Variants in PLIN3 observed in about 807,000 individuals in gnomAD.
The protein encoded by PLIN3 is perilipin 3.
PLIN3 carries 30 observed loss-of-function variants against 35.9 expected under a neutral mutation model. The ratio of observed to expected loss-of-function variants is 0.84; its 90% CI spans 0.62 to 1.13. The LOEUF (loss-of-function observed/expected upper bound fraction) is 1.13, where lower values mean the gene tolerates loss of function less well. PLIN3 is among the 50% of genes most tolerant of loss of function. The pLI, the probability that PLIN3 is intolerant of heterozygous loss-of-function variation, is 0.00. For missense variants in PLIN3, 603 were observed against 596.9 expected, an observed-to-expected ratio of 1.01 and a Z score of -0.11; for synonymous variants, 261 against 262.5, an observed-to-expected ratio of 0.99 and a Z score of 0.06.
Position 4,865,048 on chromosome 19 carries a change from C to A in PLIN3, c.-18+2561G>T, listed in dbSNP as rs142998875. Among the ~76,000 whole-genome samples, 686 of 151,994 alleles carry A rather than the reference C, an allele frequency of 4.5e-3. 2 individuals carry two copies. Among genetic ancestry groups the A allele is most frequent in the Non-Finnish European group, 7.2e-3 (487 of 67,964 alleles). On this transcript the variant is annotated intron_variant, in intron 1 of 7. Transcript: ENST00000221957. The stretch of plus-strand genomic sequence containing the variant: ...CTACTAAAAATACAAAAATTAGGTG[C>A]GGGTGTGGTGGCGGGCGCCTGTAGT...
In PLIN3 at chr19:4,859,830, G is replaced by C. The variant is rs933736006; in HGVS notation, c.261C>G (p.Pro87=). The C allele has an allele frequency of 6.8e-6, 11 of 1,613,190 alleles. No individual in the cohort carries two copies. The highest frequency in any genetic ancestry group is 6.8e-6 in the Non-Finnish European group (8 of 1,179,952). The change falls in exon 3 of 8, where the codon CCC becomes CCG. Residue 87 remains proline, a synonymous_variant. Coordinates refer to ENST00000221957, the MANE Select transcript of PLIN3 (RefSeq NM_005817.5). ...GAQPILSKLE[P]QIASASEYAH... is the part of the protein sequence containing the mutation. The stretch of plus-strand genomic sequence containing the variant: ...GCCCCCTGGGACTTCACCCACTCTG[G>C]GGCTCCAGCTTGGAGAGGATCGGCT...
intron 7 of PLIN3, 62 bp downstream of exon 7, chr19:4,844,606 T>G (rs371801919): frequency 3.3e-6 from 5 of 1,512,720 alleles, no homozygotes; most frequent in African/African-American, 1.4e-5. Context: ...GAAGCAGAGG[T>G]GTAGAGAGTG....
chr19:4,859,847 G>C lies in PLIN3; in HGVS notation c.244C>G (p.Leu82Val). The C allele has an allele frequency of 6.2e-7, 1 of 1,613,174 alleles. No homozygotes were observed. ...CCACTCTGGGGCTCCAGCTTGGAGA[G>C]GATCGGCTGAGCCCCGCTGACAGCA... ...AAAVSGAQPI[L>V]SKLEPQIASA... Residue 82 changes from leucine (L) to valine (V), a missense_variant, in exon 3 of 8, where the codon CTC becomes GTC. Transcript: ENST00000221957.
At chr19:4,856,490 G>A (rs144581280) in intron 4 of PLIN3, among the ~76,000 whole-genome samples, 30,502 of 151,220 alleles carry the variant, frequency 0.2, 3,546 homozygotes, top group East Asian at 0.39. Flanking sequence ...CCCGAGAGGC[G>A]GAGGTTGCAG....
rs758721515 is a variant in PLIN3 at position 4,839,526 on chromosome 19, G to A, written c.971C>T (p.Ser324Phe). ...GTCCCGGAACATGGTGAGCGCCCGG[G>A]ACTCGACCTGCTGAGAAGGGAGATG... Reference protein sequence around the residue: ...KEPPKPEQVESRALTMFRDIA... With the variant: ...KEPPKPEQVEFRALTMFRDIA... The change falls in exon 8 of 8, where the codon TCC becomes TTC. Residue 324 changes from serine to phenylalanine, a missense_variant. Transcript: ENST00000221957. 6.6e-7 allele frequency: 1 copy of A among 1,523,956 alleles called. No homozygotes were observed. The highest frequency in any genetic ancestry group is 2.1e-5 in the Admixed American group (1 of 47,626). The allele number at this position is 1,523,956 out of a possible 1,614,324, so 94.4% of individuals were successfully genotyped here. A position where few individuals can be genotyped will look rare whatever the true frequency, so the allele number is the denominator to read the frequency against.
intron 5 of PLIN3, among the ~76,000 whole-genome samples, chr19:4,850,545 CGA>C (rs2030252979): frequency 6.6e-6 from 1 of 151,424 alleles, no homozygotes; most frequent in African/African-American, 2.4e-5. Context: ...CTCAGTCTCC[CGA>C]GTAGCTGGGA....
chr19:4,864,098 AGTGTGT>A (rs71170861), intron 1 of PLIN3, among the ~76,000 whole-genome samples: 3,074 of 125,236 alleles, frequency 0.025, 53 homozygotes, highest in South Asian at 0.044. Flanking sequence ...ACACCTGGCT[AGTGTGT>A]GTGTGTGTGT....
At chr19:4,845,962 C>T (rs555500968) in intron 6 of PLIN3, among the ~76,000 whole-genome samples, 70 of 148,152 alleles carry the variant, frequency 4.7e-4, no homozygotes, top group African/African-American at 1.6e-3. Flanking sequence ...CGGTGGCTCA[C>T]GCCTGTAATT....
chr19:4,844,234 A>G lies in PLIN3; in HGVS notation c.960+434T>C, dbSNP rs549288390. Among the ~76,000 whole-genome samples, 853 of 152,162 alleles carry G rather than the reference A, an allele frequency of 5.6e-3. 6 individuals are homozygous for G. Among genetic ancestry groups the G allele is most frequent in the Non-Finnish European group, 9.2e-3 (627 of 68,000 alleles). On this transcript the variant is annotated intron_variant, in intron 7 of 7. Transcript: ENST00000221957. ...ATCCCAACACTTTGGGAGGCTGGGCAGGGCGGATCACTTGAGGTCAGGAGT... is the reference window on the plus strand; with the variant it reads ...ATCCCAACACTTTGGGAGGCTGGGCGGGGCGGATCACTTGAGGTCAGGAGT...
intron 4 of PLIN3, among the ~76,000 whole-genome samples, chr19:4,858,119 A>T (rs2030533158): frequency 6.6e-6 from 1 of 151,356 alleles, no homozygotes; most frequent in African/African-American, 2.4e-5. Context: ...CTAAAAATAC[A>T]AAAATTAGCT....
intron 5 of PLIN3, among the ~76,000 whole-genome samples, chr19:4,850,541 C>G (rs1010573088): frequency 1.3e-5 from 2 of 151,522 alleles, no homozygotes; most frequent in Non-Finnish European, 2.9e-5. Flanking sequence ...CTGCCTCAGT[C>G]TCCCGAGTAG....
At position 4,841,927 on chromosome 19, in the gene PLIN3, G is replaced by T. The variant is rs11667767; in HGVS notation, c.961-2391C>A. On this transcript the variant is annotated intron_variant, in intron 7 of 7. Transcript: ENST00000221957. ...CTCAAAAAAAAAAAAAAAAAAAAAAGAAAAAAAAAAGCTGTTAAAAAACAA... is the reference window on the plus strand; with the variant it reads ...CTCAAAAAAAAAAAAAAAAAAAAAATAAAAAAAAAAGCTGTTAAAAAACAA... 1.3e-3 allele frequency among the ~76,000 whole-genome samples: 151 copies of T among 118,094 alleles called. 1 individual carries two copies. The highest frequency in any genetic ancestry group is 4.7e-3 in the African/African-American group (145 of 30,812). The allele number at this position is 118,094 out of a possible 152,430, so 77.5% of individuals were successfully genotyped here. A position where few individuals can be genotyped will look rare whatever the true frequency, so the allele number is the denominator to read the frequency against.
chr19:4,857,766 G>A (rs59559975), intron 4 of PLIN3, among the ~76,000 whole-genome samples: 11,723 of 151,666 alleles, frequency 0.077, 486 homozygotes, highest in Middle Eastern at 0.086. Context: ...ACCTGAGGTC[G>A]GGAGCTCGAG....
At position 4,838,341 on chromosome 19, in the gene PLIN3, T is replaced by C. The variant is rs2093623004; in HGVS notation, c.*851A>G. ...CACACACGTACACACATGGCCTGTA[T>C]GCAGTTGTGGGTGAAGTTTATTAAG... On this transcript the variant is annotated 3_prime_UTR_variant, in exon 8 of 8. Coordinates refer to ENST00000221957, the MANE Select transcript of PLIN3 (RefSeq NM_005817.5). The C allele has an allele frequency of 6.6e-6, 1 of 152,538 alleles. No individual in the cohort carries two copies. The highest frequency in any genetic ancestry group is 6.6e-5 in the Admixed American group (1 of 15,232). The allele number at this position is 152,538 out of a possible 1,614,324, so 9.4% of individuals were successfully genotyped here.
rs773890304 is a variant in PLIN3, at chr19:4,859,967, C to A, written c.124G>T (p.Val42Leu). 6.2e-7 allele frequency: 1 copy of A among 1,614,118 alleles called. No homozygotes were observed. Among genetic ancestry groups the A allele is most frequent in the East Asian group, 2.2e-5 (1 of 44,882 alleles). ...MPLISSTCDM[V>L]SAAYASTKES... Reference sequence around the variant, plus strand: ...TTGGTGGAGGCATAGGCTGCGGACACCATGTCGCAGGTGGAGCTGATCAGA... The same window carrying A: ...TTGGTGGAGGCATAGGCTGCGGACAACATGTCGCAGGTGGAGCTGATCAGA... Residue 42 changes from valine to leucine, a missense_variant, in exon 3 of 8, where the codon GTG (valine) becomes TTG (leucine). Val to Leu is a conservative substitution (Grantham distance 32). Transcript: ENST00000221957.
chr19:4,848,656 C>G (rs1158291065), intron 5 of PLIN3, among the ~76,000 whole-genome samples: 1 of 152,200 alleles, frequency 6.6e-6, no homozygotes, highest in African/African-American at 2.4e-5. Context: ...CACTTGAGGT[C>G]AGGAGTTCAA....
At chr19:4,860,677 A>C (rs1398963389) in intron 2 of PLIN3, among the ~76,000 whole-genome samples, 1 of 152,026 alleles carries the variant, frequency 6.6e-6, no homozygotes, top group African/African-American at 2.4e-5. Context: ...TTTAAATTTT[A>C]ATTATTTTTG....
chr19:4,866,571 C>T (rs2030866303), intron 1 of PLIN3: 1 of 152,224 alleles, frequency 6.6e-6, no homozygotes, highest in South Asian at 2.1e-4. Flanking sequence ...CAGCCAGGAA[C>T]CAGCTTCCTG....
intron 7 of PLIN3, among the ~76,000 whole-genome samples, chr19:4,842,711 C>T (rs10423263): frequency 0.44 from 65,944 of 151,010 alleles, 14,836 homozygotes; most frequent in South Asian, 0.53. Flanking sequence ...AGAGTGCCCA[C>T]GTGAGAGAGA....
Sources: gnomAD v4.1 joint callset for allele counts (sites outside exome capture counted in the v4.1 genomes callset) on GRCh38, gnomAD v4.1.1 for gene constraint, MANE v1.5 for transcripts, NCBI Gene and HGNC (gene_info 2026-07-23, HGNC 2026-07-21) for gene names.